The following TRAF3 variants were observed in gnomAD, a reference collection of about 807,000 sequenced individuals.
The protein encoded by TRAF3 is TNF receptor-associated factor 3.
A neutral mutation model predicts 62.3 loss-of-function variants in TRAF3; 13 were observed. The ratio of observed to expected loss-of-function variants is 0.21; its 90% CI spans 0.14 to 0.33. TRAF3 has a LOEUF of 0.33. Among genes scored for constraint, TRAF3 ranks in the 10% least tolerant of loss-of-function variants. The pLI is 1.00. For synonymous variants in TRAF3, 269 were observed against 283.4 expected, an observed-to-expected ratio of 0.95 and a Z score of 0.51; for missense variants, 440 against 741.8, an observed-to-expected ratio of 0.59 and a Z score of 4.73.
chr14:102,853,717 A>C (rs1299693313), intron 2 of TRAF3, among the ~76,000 whole-genome samples: 1 of 152,022 alleles, frequency 6.6e-6, no homozygotes, highest in African/African-American at 2.4e-5. Flanking sequence ...ACACTCCTGT[A>C]ACCTCAGGCA....
chr14:102,867,940 G>A (rs1888101753), intron 2 of TRAF3, among the ~76,000 whole-genome samples: 1 of 152,214 alleles, frequency 6.6e-6, no homozygotes, highest in South Asian at 2.1e-4. Context: ...TCTGCTGCCG[G>A]CGTTCATTCC....
At chr14:102,889,497 A>G (rs1010716409) in intron 7 of TRAF3, 63 bp from the exon 8 acceptor site, 5 of 1,525,462 alleles carry the variant, frequency 3.3e-6, no homozygotes, top group Non-Finnish European at 4.5e-6. Context: ...TCTGTGCCCT[A>G]ATATGTTTGA....
At chr14:102,813,439 T>C (rs1375627280) in intron 1 of TRAF3, among the ~76,000 whole-genome samples, 1 of 149,550 alleles carries the variant, frequency 6.7e-6, no homozygotes, top group African/African-American at 2.4e-5. Flanking sequence ...GCCCCGGCTT[T>C]TTTCTTTTCT....
intron 1 of TRAF3, among the ~76,000 whole-genome samples, chr14:102,783,339 T>C (rs941726): frequency 0.8 from 120,967 of 152,142 alleles, 48,803 homozygotes; most frequent in East Asian, 0.95. Context: ...TGGAAAGTTT[T>C]ATTTGACAAT....
At chr14:102,871,678 G>A (rs1888350632) in intron 3 of TRAF3, among the ~76,000 whole-genome samples, 1 of 152,236 alleles carries the variant, frequency 6.6e-6, no homozygotes, top group African/African-American at 2.4e-5. Context: ...TTCCAAGTGG[G>A]ACTGAACTAA....
intron 10 of TRAF3, 51 bp downstream of exon 10, chr14:102,897,452 T>G (rs765033055): frequency 6.2e-7 from 1 of 1,607,732 alleles, no homozygotes; most frequent in Middle Eastern, 1.7e-4. Context: ...AGCTTGCCTG[T>G]GTTCCCCTTA....
At chr14:102,788,102 G>A (rs886361507) in intron 1 of TRAF3, among the ~76,000 whole-genome samples, 12 of 151,870 alleles carry the variant, frequency 7.9e-5, no homozygotes, top group Non-Finnish European at 1.5e-4. Flanking sequence ...GGATCTGCCC[G>A]CCTCAGCCTC....
intron 2 of TRAF3, among the ~76,000 whole-genome samples, chr14:102,842,290 A>G (rs1423612367): frequency 6.8e-6 from 1 of 147,642 alleles, no homozygotes; most frequent in Non-Finnish European, 1.5e-5. Context: ...TTTATATAAT[A>G]AAATATATAA....
At chr14:102,809,840 A>G (rs1009733689) in intron 1 of TRAF3, among the ~76,000 whole-genome samples, 1 of 152,118 alleles carries the variant, frequency 6.6e-6, no homozygotes, top group Non-Finnish European at 1.5e-5. Context: ...CACAGCATAG[A>G]CTTTTAAAGA....
At chr14:102,874,223 AC>A (rs1197085916) in intron 4 of TRAF3, among the ~76,000 whole-genome samples, 1 of 151,986 alleles carries the variant, frequency 6.6e-6, no homozygotes, top group Non-Finnish European at 1.5e-5. Context: ...CCATGATTGC[AC>A]CAGTGCGCTC....
At chr14:102,878,198 G>A (rs1234008580) in intron 6 of TRAF3, among the ~76,000 whole-genome samples, 2 of 152,198 alleles carry the variant, frequency 1.3e-5, no homozygotes, top group East Asian at 1.9e-4. Context: ...TTACAGCTCT[G>A]TGACATAACC....
intron 1 of TRAF3, among the ~76,000 whole-genome samples, chr14:102,787,927 C>T (rs1468410037): frequency 2.0e-5 from 3 of 150,532 alleles, no homozygotes; most frequent in African/African-American, 7.3e-5. Context: ...TCTTGGCTCA[C>T]TGCAACCTAT....
At chr14:102,837,251 G>A (rs1050702209) in intron 2 of TRAF3, among the ~76,000 whole-genome samples, 2 of 151,404 alleles carry the variant, frequency 1.3e-5, no homozygotes, top group Non-Finnish European at 2.9e-5. Context: ...CCATCCTCCC[G>A]CCTCAGCCTC....
At chr14:102,821,343 T>C (rs1188305117) in intron 1 of TRAF3, among the ~76,000 whole-genome samples, 2 of 152,234 alleles carry the variant, frequency 1.3e-5, no homozygotes, top group African/African-American at 4.8e-5. Context: ...GAATGGTCTT[T>C]TGTAATGTAT....
chr14:102,777,783 T>TGCCCGGCGCGG (rs1159610285), intron 1 of TRAF3, 108 bp downstream of exon 1: 1 of 143,102 alleles, frequency 7.0e-6, no homozygotes, highest in African/African-American at 2.5e-5. Context: ...GCCTCGGGGC[T>TGCCCGGCGCGG]GCCCGGCGCG....
intron 4 of TRAF3, among the ~76,000 whole-genome samples, chr14:102,874,112 A>G (rs1223070317): frequency 1.3e-5 from 2 of 152,112 alleles, no homozygotes. Flanking sequence ...TGAAAATTAA[A>G]AAGTTACCTG....
At chr14:102,835,982 G>A (rs1885976021) in intron 2 of TRAF3, among the ~76,000 whole-genome samples, 1 of 152,216 alleles carries the variant, frequency 6.6e-6, no homozygotes, top group African/African-American at 2.4e-5. Context: ...GATCGCTTGA[G>A]GCCAGGAGTT....
chr14:102,789,098 T>C (rs1482447803), intron 1 of TRAF3, among the ~76,000 whole-genome samples: 2 of 152,244 alleles, frequency 1.3e-5, no homozygotes, highest in Non-Finnish European at 2.9e-5. Context: ...ATTTTAGATA[T>C]AGCATCTAGG....
At chr14:102,904,086 C>T (rs933105527) in intron 11 of TRAF3, among the ~76,000 whole-genome samples, 1 of 152,210 alleles carries the variant, frequency 6.6e-6, no homozygotes, top group Admixed American at 6.5e-5. Context: ...CTGTCTCCTG[C>T]TCCCAGGAGC....
Sources: allele counts gnomAD v4.1 joint callset (sites outside exome capture counted in the v4.1 genomes callset), GRCh38; gene constraint gnomAD v4.1.1; transcripts MANE v1.5; gene names NCBI Gene and HGNC (gene_info 2026-07-23, HGNC 2026-07-21).